Variants in DGKB observed in about 807,000 individuals in gnomAD.
The protein encoded by DGKB is 90 kDa diacylglycerol kinase.
Under a neutral mutation model 114.3 loss-of-function variants are expected in DGKB, and 67 were observed. The observed-to-expected ratio is 0.59, with a 90% CI of 0.48 to 0.72. The LOEUF is 0.72. Among genes scored for constraint, DGKB ranks in the 30% least tolerant of loss-of-function variants. The pLI is 0.00. For synonymous variants in DGKB, 398 were observed against 323.1 expected, an observed-to-expected ratio of 1.23 and a Z score of -2.49; for missense variants, 907 against 975.2, an observed-to-expected ratio of 0.93 and a Z score of 0.93.
intron 17 of DGKB, among the ~76,000 whole-genome samples, chr7:14,605,977 A>G (rs62445594): frequency 0.017 from 2,546 of 152,246 alleles, 34 homozygotes; most frequent in South Asian, 0.024. Flanking sequence ...AAGGCTTGTA[A>G]TTAGCAGAGC....
intron 23 of DGKB, among the ~76,000 whole-genome samples, chr7:14,267,115 A>T (rs1394906190): frequency 6.6e-6 from 1 of 152,158 alleles, no homozygotes; most frequent in Non-Finnish European, 1.5e-5. Context: ...AAGTTTTTTG[A>T]TGTTTTTTCT....
intron 21 of DGKB, among the ~76,000 whole-genome samples, chr7:14,471,906 A>G (rs987246109): frequency 1.1e-4 from 17 of 152,120 alleles, no homozygotes; most frequent in African/African-American, 4.1e-4. Flanking sequence ...AAAAAGCAGA[A>G]AGTAGTACAG....
At chr7:14,852,487 C>CAAAAAAAAACAAACAAAAAA (rs1554304221) in intron 1 of DGKB, among the ~76,000 whole-genome samples, 915 of 63,576 alleles carry the variant, frequency 0.014, 73 homozygotes, top group Admixed American at 0.044. Context: ...TAGTGAAAGT[C>CAAAAAAAAACAAACAAAAAA]AAAAAAAAAA....
chr7:14,725,394 A>C (rs2128370376), intron 5 of DGKB, among the ~76,000 whole-genome samples: 1 of 152,288 alleles, frequency 6.6e-6, no homozygotes, highest in African/African-American at 2.4e-5. Context: ...AATATATATA[A>C]GTATGGGACA....
intron 17 of DGKB, among the ~76,000 whole-genome samples, chr7:14,600,839 T>C (rs935220182): frequency 6.6e-6 from 1 of 152,178 alleles, no homozygotes; most frequent in South Asian, 2.1e-4. Context: ...ATTCCTTCCA[T>C]GGCTGTGCTG....
At chr7:14,465,661 G>C (rs532641188) in intron 21 of DGKB, among the ~76,000 whole-genome samples, 2 of 152,268 alleles carry the variant, frequency 1.3e-5, no homozygotes, top group South Asian at 4.1e-4. Flanking sequence ...GGCATGGAGA[G>C]AGGAGAAATT....
chr7:14,670,584 C>A (rs977720318), intron 13 of DGKB, among the ~76,000 whole-genome samples: 1 of 152,116 alleles, frequency 6.6e-6, no homozygotes, highest in South Asian at 2.1e-4. Flanking sequence ...GGATTACAGG[C>A]GTGAGCCACC....
At chr7:14,309,145 G>A (rs977215723) in intron 23 of DGKB, among the ~76,000 whole-genome samples, 1 of 152,102 alleles carries the variant, frequency 6.6e-6, no homozygotes. Context: ...GATCCCAGGA[G>A]GTCCAGGTTG....
At chr7:14,811,505 ATTC>A (rs199716993) in intron 2 of DGKB, among the ~76,000 whole-genome samples, 2,330 of 152,296 alleles carry the variant, frequency 0.015, 25 homozygotes, top group Non-Finnish European at 0.021. Context: ...TTCTCATGAA[ATTC>A]TTATTATTCA....
chr7:14,747,769 C>CCGCGCGCG (rs746360842), intron 4 of DGKB, among the ~76,000 whole-genome samples: 3 of 92,810 alleles, frequency 3.2e-5, no homozygotes, highest in African/African-American at 1.5e-4. Flanking sequence ...TCAAACACAT[C>CCGCGCGCG]CACGCGCACG....
chr7:14,382,731 T>G (rs563901601), intron 21 of DGKB, among the ~76,000 whole-genome samples: 2 of 152,330 alleles, frequency 1.3e-5, no homozygotes, highest in Non-Finnish European at 2.9e-5. Context: ...TCCCTTTGGT[T>G]TTCTTCTGTA....
intron 13 of DGKB, among the ~76,000 whole-genome samples, chr7:14,649,692 C>T (rs1215732355): frequency 1.3e-4 from 18 of 142,692 alleles, no homozygotes; most frequent in Non-Finnish European, 2.1e-4. Flanking sequence ...TTAAAAGACA[C>T]AGACTGGCAA....
intron 8 of DGKB, among the ~76,000 whole-genome samples, chr7:14,696,257 G>A (rs1823864579): frequency 6.6e-6 from 1 of 152,040 alleles, no homozygotes; most frequent in Admixed American, 6.6e-5. Context: ...ACTTTGGGAG[G>A]CCGAGGCGGG....
At chr7:14,859,214 G>C (rs903965085) in intron 1 of DGKB, among the ~76,000 whole-genome samples, 2 of 151,998 alleles carry the variant, frequency 1.3e-5, no homozygotes, top group African/African-American at 4.8e-5. Context: ...GTTGGAAATA[G>C]AAACTGAGGT....
chr7:14,678,081 AAACTT>A (rs1212251441), intron 12 of DGKB, among the ~76,000 whole-genome samples: 1 of 152,084 alleles, frequency 6.6e-6, no homozygotes. Flanking sequence ...TTATAAAACA[AAACTT>A]AAATAGTACA....
chr7:14,612,818 T>TA lies in DGKB; in HGVS notation c.1358+521dup, dbSNP rs767731574. Among the ~76,000 whole-genome samples, 4 of 152,284 alleles carry TA rather than the reference T, an allele frequency of 2.6e-5. No individual in the cohort carries two copies. In the East Asian group the frequency reaches 7.7e-4, roughly 29 times the overall value. ...ATTTAATCATTCATTCATTACAAAA[T>TA]AAAATGTTATCAGCCAGAATGCTGA... is the stretch of plus-strand genomic sequence containing the variant. On this transcript the variant is annotated intron_variant, in intron 16 of 25. Coordinates refer to ENST00000402815, the MANE Select transcript of DGKB (RefSeq NM_001350709.2).
At chr7:14,287,597 A>G (rs1382487825) in intron 23 of DGKB, among the ~76,000 whole-genome samples, 1 of 152,146 alleles carries the variant, frequency 6.6e-6, no homozygotes, top group East Asian at 1.9e-4. Context: ...TAAATACAAG[A>G]GTAGTATCTG....
intron 4 of DGKB, among the ~76,000 whole-genome samples, chr7:14,747,775 G>GCGCGCGCGCGCGCACACACACACA: frequency 0.012 from 1,764 of 149,236 alleles, 29 homozygotes; most frequent in East Asian, 0.093. Flanking sequence ...ACATCCACGC[G>GCGCGCGCGCGCGCACACACACACA]CACGCACACA....
intron 2 of DGKB, among the ~76,000 whole-genome samples, chr7:14,807,989 T>A (rs1317813024): frequency 1.3e-5 from 2 of 152,026 alleles, no homozygotes; most frequent in Non-Finnish European, 2.9e-5. Context: ...GGAATAGAGA[T>A]GTTCTCTTAC....
Sources: gnomAD v4.1 joint callset for allele counts (sites outside exome capture counted in the v4.1 genomes callset) on GRCh38, gnomAD v4.1.1 for gene constraint, MANE v1.5 for transcripts, NCBI Gene and HGNC (gene_info 2026-07-23, HGNC 2026-07-21) for gene names.